Variants in ATXN7 observed in about 807,000 individuals in gnomAD.
ATXN7 encodes the protein ataxin-7.
A neutral mutation model predicts 70.5 loss-of-function variants in ATXN7; 12 were observed. The observed-to-expected ratio is 0.17, with a 90% confidence interval of 0.11 to 0.28. ATXN7 has a LOEUF of 0.28. Ranked by LOEUF, ATXN7 falls within the 10% of genes least tolerant of loss-of-function variation. The probability of loss-of-function intolerance (pLI) is 1.00; values close to 1 mark genes in which losing one functional copy is unlikely to be tolerated. For synonymous variants in ATXN7, 498 were observed against 448.7 expected, an observed-to-expected ratio of 1.11 and a Z score of -1.39; for missense variants, 1,256 against 1,131.7, an observed-to-expected ratio of 1.11 and a Z score of -1.58.
intron 4 of ATXN7, among the ~76,000 whole-genome samples, chr3:63,933,168 A>T (rs1439762605): frequency 1.3e-5 from 2 of 152,172 alleles, no homozygotes; most frequent in Non-Finnish European, 2.9e-5. Context: ...GTCTATCTAG[A>T]TGACAGAGAA....
At chr3:63,985,326 C>T (rs1020741395) in intron 8 of ATXN7, among the ~76,000 whole-genome samples, 10 of 152,148 alleles carry the variant, frequency 6.6e-5, no homozygotes, top group African/African-American at 1.2e-4. Flanking sequence ...GGTGTCATTA[C>T]TCTCCGTGGC....
chr3:63,963,556 T>C (rs1307192537), intron 5 of ATXN7, among the ~76,000 whole-genome samples: 1 of 152,200 alleles, frequency 6.6e-6, no homozygotes, highest in Non-Finnish European at 1.5e-5. Flanking sequence ...GCACATAGAA[T>C]CACGTATTTT....
chr3:63,917,971 G>A (rs58908324), intron 4 of ATXN7, among the ~76,000 whole-genome samples: 2,872 of 152,212 alleles, frequency 0.019, 98 homozygotes, highest in African/African-American at 0.063. Flanking sequence ...TTAATATAGT[G>A]CTCCATTTAC....
intron 5 of ATXN7, among the ~76,000 whole-genome samples, chr3:63,960,652 G>C (rs537402901): frequency 6.6e-6 from 1 of 152,234 alleles, no homozygotes; most frequent in Non-Finnish European, 1.5e-5. Flanking sequence ...GACTCATGGG[G>C]TTTTTGGCTC....
intron 1 of ATXN7, among the ~76,000 whole-genome samples, chr3:63,893,743 T>C (rs1240529121): frequency 6.6e-6 from 1 of 152,136 alleles, no homozygotes; most frequent in Non-Finnish European, 1.5e-5. Flanking sequence ...ATTGACTTGA[T>C]CTTCAGTGGA....
Position 63,952,835 on chromosome 3 carries a change from CTT to C in ATXN7, c.499+382_499+383del, listed in dbSNP as rs59256288. On this transcript the variant is annotated intron_variant, in intron 5 of 12. Coordinates refer to ENST00000674280, the MANE Select transcript of ATXN7 (RefSeq NM_001377405.1). The stretch of plus-strand genomic sequence containing the variant: ...ACACTCACAATATGGATGCATGGGC[CTT>C]TTTTTTTTTTTTTTTTTTTTTTTTT... 2.6e-3 allele frequency among the ~76,000 whole-genome samples: 129 copies of C among 49,108 alleles called. 1 individual carries two copies. Among genetic ancestry groups the C allele is most frequent in the African/African-American group, 0.01 (102 of 9,754 alleles). 32.2% of individuals were successfully genotyped at this position (49,108 alleles called of 152,430 possible).
intron 12 of ATXN7, chr3:63,996,691 G>C: frequency 1.6e-6 from 1 of 619,164 alleles, no homozygotes; most frequent in South Asian, 2.5e-5. Context: ...AGAATTTCTG[G>C]TGCCTTTGGA....
intron 5 of ATXN7, among the ~76,000 whole-genome samples, chr3:63,965,389 C>A (rs1265531966): frequency 2.6e-5 from 4 of 152,158 alleles, no homozygotes; most frequent in Non-Finnish European, 5.9e-5. Context: ...TGAACCCAAA[C>A]CTTGAGTGTT....
At chr3:63,901,689 T>C (rs1703647796) in intron 2 of ATXN7, 1 of 152,258 alleles carries the variant, frequency 6.6e-6, no homozygotes, top group African/African-American at 2.4e-5. Flanking sequence ...CACCTTGGCC[T>C]TCCCTCCAGA....
At chr3:63,887,087 C>T (rs1341707921) in intron 1 of ATXN7, among the ~76,000 whole-genome samples, 1 of 152,048 alleles carries the variant, frequency 6.6e-6, no homozygotes, top group Non-Finnish European at 1.5e-5. Flanking sequence ...TAGAAAGGAG[C>T]GAACAGGAAG....
At chr3:63,920,844 T>C (rs1204036387) in intron 4 of ATXN7, among the ~76,000 whole-genome samples, 1 of 152,220 alleles carries the variant, frequency 6.6e-6, no homozygotes, top group African/African-American at 2.4e-5. Context: ...AATTTCACTA[T>C]TTAAATAGCA....
intron 4 of ATXN7, among the ~76,000 whole-genome samples, chr3:63,934,221 C>T (rs1010124329): frequency 1.3e-5 from 2 of 152,156 alleles, no homozygotes; most frequent in African/African-American, 4.8e-5. Context: ...CAGCCTCTTC[C>T]ACCTCCCACA....
intron 4 of ATXN7, among the ~76,000 whole-genome samples, chr3:63,934,731 T>G (rs998610270): frequency 6.6e-6 from 1 of 152,198 alleles, no homozygotes; most frequent in African/African-American, 2.4e-5. Flanking sequence ...CCTTTTTGTT[T>G]CAGTTTCCTC....
At position 63,952,835 on chromosome 3, in the gene ATXN7, C is replaced by CTTTTTTTTTTTTTTTTTTTTTTTTTTT. The variant is rs59256288; in HGVS notation, c.499+357_499+383dup. On this transcript the variant is annotated intron_variant, in intron 5 of 12. Transcript: ENST00000674280. ...ACACTCACAATATGGATGCATGGGC[C>CTTTTTTTTTTTTTTTTTTTTTTTTTTT]TTTTTTTTTTTTTTTTTTTTTTTTT... 6.1e-5 allele frequency among the ~76,000 whole-genome samples: 3 copies of CTTTTTTTTTTTTTTTTTTTTTTTTTTT among 49,164 alleles called. 1 individual carries two copies. Among genetic ancestry groups the CTTTTTTTTTTTTTTTTTTTTTTTTTTT allele is most frequent in the African/African-American group, 2.0e-4 (2 of 9,806 alleles). 32.3% of individuals were successfully genotyped at this position (49,164 alleles called of 152,430 possible). A position where few individuals can be genotyped will look rare whatever the true frequency, so the allele number is the denominator to read the frequency against.
rs988260488 is a variant in ATXN7, at chr3:63,958,752, A to G, written c.499+6269A>G. Among the ~76,000 whole-genome samples the G allele has an allele frequency of 9.9e-5, 15 of 152,194 alleles. 1 individual carries two copies. The highest frequency in any genetic ancestry group is 1.6e-4 in the Non-Finnish European group (11 of 68,024). ...CTGGTGATTTACAGAGAATTTTTGCATGTATTATCTTATTTCCTGTTCTTA... is the reference window on the plus strand; with the variant it reads ...CTGGTGATTTACAGAGAATTTTTGCGTGTATTATCTTATTTCCTGTTCTTA... On this transcript the variant is annotated intron_variant, in intron 5 of 12. Coordinates refer to ENST00000674280, the MANE Select transcript of ATXN7 (RefSeq NM_001377405.1).
chr3:63,865,348 T>A (rs1702379081), intron 1 of ATXN7: 1 of 152,176 alleles, frequency 6.6e-6, no homozygotes, highest in Non-Finnish European at 1.5e-5. Context: ...TTACTTTACA[T>A]GAAGATTCTG....
At chr3:63,998,000 A>G in intron 12 of ATXN7, 1 of 985,376 alleles carries the variant, frequency 1.0e-6, no homozygotes, top group Non-Finnish European at 1.2e-6. Flanking sequence ...TACAGTTTAT[A>G]AGCATAACAG....
rs1353217104 is a variant in ATXN7 at position 63,899,639 on chromosome 3, T to C, written c.-12+1142T>C. Among the ~76,000 whole-genome samples, 7 of 151,660 alleles carry C rather than the reference T, an allele frequency of 4.6e-5. No individual in the cohort carries two copies. The East Asian group carries it at 1.4e-3, about 30-fold the overall frequency. On this transcript the variant is annotated intron_variant, in intron 2 of 12. Transcript: ENST00000674280. ...TTTTTTTTTCTTTTTTTTGAGACCT[T>C]TTCTTGCTCTGTCGCCCAGGCTGGA...
In ATXN7 at chr3:63,912,684, G is replaced by GGCAGCAGCGGCAGCA; in HGVS notation, c.94_95insGGCAGCAGCAGCAGC (p.Gln31_Gln32insArgGlnGlnGlnGln). The GGCAGCAGCGGCAGCA allele has an allele frequency of 9.2e-7, 1 of 1,086,974 alleles. No homozygotes were observed. Among genetic ancestry groups the GGCAGCAGCGGCAGCA allele is most frequent in the South Asian group, 4.0e-5 (1 of 24,724 alleles). 67.3% of individuals were successfully genotyped at this position (1,086,974 alleles called of 1,614,324 possible). ...GGCGGAGCAGCGGCCGCGGCCGCCC[G>GGCAGCAGCGGCAGCA]GCAGCAGCAGCAGCAGCAGCAGCAG... On this transcript the variant is annotated inframe_insertion, in exon 3 of 13. Coordinates refer to ENST00000674280, the MANE Select transcript of ATXN7 (RefSeq NM_001377405.1).
Sources: allele counts gnomAD v4.1 joint callset (sites outside exome capture counted in the v4.1 genomes callset), GRCh38; gene constraint gnomAD v4.1.1; transcripts MANE v1.5; gene names NCBI Gene and HGNC (gene_info 2026-07-23, HGNC 2026-07-21).